The following CRMP1 variants were observed in gnomAD, a reference collection of about 807,000 sequenced individuals.
CRMP1 encodes collapsin response mediator protein 1, also known as dihydropyrimidinase-related protein 1.
Under a neutral mutation model 68.3 loss-of-function variants are expected in CRMP1, and 19 were observed. The observed-to-expected ratio is 0.28, with a 90% CI of 0.19 to 0.41. The LOEUF (loss-of-function observed/expected upper bound fraction) is 0.41, where lower values mean the gene tolerates loss of function less well. Ranked by LOEUF, CRMP1 falls within the 10% of genes least tolerant of loss-of-function variation. The pLI is 1.00. For synonymous variants in CRMP1, 439 were observed against 399.6 expected (o/e 1.10, Z -1.18); for missense variants, 791 against 967.4 (o/e 0.82, Z 2.42).
chr4:5,828,193 C>G, intron 12 of CRMP1: 1 of 985,388 alleles, frequency 1.0e-6, no homozygotes, highest in Non-Finnish European at 1.2e-6. Context: ...TAAGATGACG[C>G]AGGACAGCGC....
intron 13 of CRMP1, among the ~76,000 whole-genome samples, chr4:5,822,990 A>G (rs1218070884): frequency 2.0e-5 from 3 of 152,226 alleles, no homozygotes; most frequent in Middle Eastern, 6.8e-3. Context: ...GTACCCTTTC[A>G]TACTTTTTCT....
Position 5,888,271 on chromosome 4 carries a change from C to A in CRMP1, c.381+4318G>T. 1.6e-6 allele frequency: 2 copies of A among 1,273,564 alleles called. No individual in the cohort carries two copies. Among genetic ancestry groups the A allele is most frequent in the East Asian group, 3.1e-5 (1 of 32,676 alleles). 78.9% of individuals were successfully genotyped at this position (1,273,564 alleles called of 1,614,324 possible). A position where few individuals can be genotyped will look rare whatever the true frequency, so the allele number is the denominator to read the frequency against. On this transcript the variant is annotated intron_variant, in intron 1 of 13. Transcript: ENST00000324989. This position sits in a 1 kb window ranked among gnomAD's most constrained non-coding sequence, Gnocchi z 6.4. ...CTTCTTGCCCTGGTACGACATGGCC[C>A]CCTCTGGCGCCCTCGGCCCGGCCGC...
In CRMP1 at chr4:5,889,471, A is replaced by G. The variant is rs1715840016; in HGVS notation, c.381+3118T>C. ...GTCCATGATCCAGATGTTGCTCCAGAGGGAGGTGGGCAGGAAGCCAGGTCA... is the reference window on the plus strand; with the variant it reads ...GTCCATGATCCAGATGTTGCTCCAGGGGGAGGTGGGCAGGAAGCCAGGTCA... On this transcript the variant is annotated intron_variant, in intron 1 of 13. Transcript: ENST00000324989. This position sits in a 1 kb window ranked among gnomAD's most constrained non-coding sequence, Gnocchi z 4.5. Among the ~76,000 whole-genome samples, 1 of 152,076 alleles carries G rather than the reference A, an allele frequency of 6.6e-6. No individual in the cohort carries two copies. Among genetic ancestry groups the G allele is most frequent in the Non-Finnish European group, 1.5e-5 (1 of 68,020 alleles).
chr4:5,850,144 G>A lies in CRMP1; in HGVS notation c.883-672C>T, dbSNP rs540628769. Among the ~76,000 whole-genome samples, 1 of 152,294 alleles carries A rather than the reference G, an allele frequency of 6.6e-6. No individual in the cohort carries two copies. The highest frequency in any genetic ancestry group is 2.4e-5 in the African/African-American group (1 of 41,574). On this transcript the variant is annotated intron_variant, in intron 5 of 13. Coordinates refer to ENST00000324989, the MANE Select transcript of CRMP1 (RefSeq NM_001014809.3). The surrounding 1 kb of genome is among the most constrained non-coding windows in gnomAD (Gnocchi z 4.4). The stretch of plus-strand genomic sequence containing the variant: ...CCAAAGCCACGAAGCTCCCTCTCCA[G>A]GGACACTTGAACCTCAACTTTGTTC...
Position 5,825,685 on chromosome 4 carries a change from T to G in CRMP1, c.1804-26A>C. ...CTAAACAGAGGAAGGGAGAGTGTGATTGATCGACACTGTGCATGTGTGCCC... is the reference window on the plus strand; with the variant it reads ...CTAAACAGAGGAAGGGAGAGTGTGAGTGATCGACACTGTGCATGTGTGCCC... On this transcript the variant is annotated intron_variant, in intron 12 of 13. Coordinates refer to ENST00000324989, the MANE Select transcript of CRMP1 (RefSeq NM_001014809.3). The surrounding 1 kb of genome is among the most constrained non-coding windows in gnomAD (Gnocchi z 4.4). 6.2e-7 allele frequency: 1 copy of G among 1,610,236 alleles called. No individual in the cohort carries two copies. The highest frequency in any genetic ancestry group is 1.3e-5 in the African/African-American group (1 of 74,846).
intron 1 of CRMP1, among the ~76,000 whole-genome samples, chr4:5,868,237 C>T (rs1362734486): frequency 7.7e-5 from 11 of 142,508 alleles, no homozygotes; most frequent in Non-Finnish European, 1.4e-4. Context: ...CCCAACTTGC[C>T]GCACATTCTT....
Position 5,889,976 on chromosome 4 carries a change from C to A in CRMP1, c.381+2613G>T. ...GAGGTAAAATGATGTACCCCGGGTG[C>A]AAAACATATTAGCTGCAGCAAAGCA... On this transcript the variant is annotated intron_variant, in intron 1 of 13. Transcript: ENST00000324989. The surrounding 1 kb of genome is among the most constrained non-coding windows in gnomAD (Gnocchi z 4.5). 1 of 1,225,846 alleles carries A rather than the reference C, an allele frequency of 8.2e-7. No homozygotes were observed. The allele number at this position is 1,225,846 out of a possible 1,614,324, so 75.9% of individuals were successfully genotyped here.
rs541701356 is a variant in CRMP1 at position 5,870,864 on chromosome 4, C to T, written c.382-4108G>A. Among the ~76,000 whole-genome samples, 1 of 152,284 alleles carries T rather than the reference C, an allele frequency of 6.6e-6. No individual in the cohort carries two copies. The highest frequency in any genetic ancestry group is 2.1e-4 in the South Asian group (1 of 4,822). ...TGCACGTCCAGGAAGCACCCACAAG[C>T]TGGCGTGCATGTTTCCCCGGCTCCA... On this transcript the variant is annotated intron_variant, in intron 1 of 13. Coordinates refer to ENST00000324989, the MANE Select transcript of CRMP1 (RefSeq NM_001014809.3). The surrounding 1 kb of genome is among the most constrained non-coding windows in gnomAD (Gnocchi z 6.0).
chr4:5,847,223 C>A (rs2152461740), intron 6 of CRMP1, among the ~76,000 whole-genome samples: 1 of 152,268 alleles, frequency 6.6e-6, no homozygotes, highest in East Asian at 1.9e-4. Context: ...AGGGAGATAT[C>A]TTCCTTCTTT....
At chr4:5,847,957 A>C (rs1712342062) in intron 6 of CRMP1, among the ~76,000 whole-genome samples, 1 of 152,132 alleles carries the variant, frequency 6.6e-6, no homozygotes, top group Admixed American at 6.5e-5. Context: ...CATTATAACC[A>C]ATCCATGCCT....
chr4:5,825,363 TG>T lies in CRMP1; in HGVS notation c.1969+130del. 1 of 1,433,332 alleles carries T rather than the reference TG, an allele frequency of 7.0e-7. No individual in the cohort carries two copies. 88.8% of individuals were successfully genotyped at this position (1,433,332 alleles called of 1,614,324 possible). On this transcript the variant is annotated intron_variant, in intron 13 of 13. Transcript: ENST00000324989. This position sits in a 1 kb window ranked among gnomAD's most constrained non-coding sequence, Gnocchi z 4.4. ...CCCCACCAGTGAGAGCAGGCTCGGGTGGGGCACACTCCCTTCCCTGCTTCTT... is the reference window on the plus strand; with the variant it reads ...CCCCACCAGTGAGAGCAGGCTCGGGTGGGCACACTCCCTTCCCTGCTTCTT...
chr4:5,868,261 C>CTATATATCTATA (rs1714141585), intron 1 of CRMP1, among the ~76,000 whole-genome samples: 1 of 111,464 alleles, frequency 9.0e-6, no homozygotes, highest in Non-Finnish European at 1.8e-5. Context: ...GACTATATAT[C>CTATATATCTATA]TATATATATA....
At position 5,888,014 on chromosome 4, in the gene CRMP1, GCC is replaced by G. The variant is rs1222423802; in HGVS notation, c.381+4573_381+4574del. On this transcript the variant is annotated intron_variant, in intron 1 of 13. Transcript: ENST00000324989. This position sits in a 1 kb window ranked among gnomAD's most constrained non-coding sequence, Gnocchi z 6.4. ...GCGGGGAGAGGGACTCCCGGCTCCA[GCC>G]CCGCCCCGCCATGCGGGGCTCCCCC... Among the ~76,000 whole-genome samples, 1 of 151,918 alleles carries G rather than the reference GCC, an allele frequency of 6.6e-6. No individual in the cohort carries two copies. Among genetic ancestry groups the G allele is most frequent in the Non-Finnish European group, 1.5e-5 (1 of 67,886 alleles).
chr4:5,829,723 A>G (rs1720217192), intron 11 of CRMP1, among the ~76,000 whole-genome samples: 1 of 152,208 alleles, frequency 6.6e-6, no homozygotes, highest in South Asian at 2.1e-4. Flanking sequence ...ATCAGCACAC[A>G]TACAAAATAC....
chr4:5,842,428 C>CAAAAAAAAAAAAA lies in CRMP1; in HGVS notation c.1032+652_1032+664dup, dbSNP rs71171489. 1.0e-5 allele frequency among the ~76,000 whole-genome samples: 1 copy of CAAAAAAAAAAAAA among 99,068 alleles called. No homozygotes were observed. Among genetic ancestry groups the CAAAAAAAAAAAAA allele is most frequent in the African/African-American group, 3.6e-5 (1 of 27,986 alleles). The allele number at this position is 99,068 out of a possible 152,430, so 65.0% of individuals were successfully genotyped here. ...TGGGCAACAGAGAGAGACTCCATCT[C>CAAAAAAAAAAAAA]AAAAAAAAAAAAAAAAAAAGAAAAG... On this transcript the variant is annotated intron_variant, in intron 7 of 13. Coordinates refer to ENST00000324989, the MANE Select transcript of CRMP1 (RefSeq NM_001014809.3). The surrounding 1 kb of genome is among the most constrained non-coding windows in gnomAD (Gnocchi z 4.5).
intron 13 of CRMP1, among the ~76,000 whole-genome samples, chr4:5,823,023 G>A (rs1055774417): frequency 4.6e-5 from 7 of 151,998 alleles, no homozygotes; most frequent in African/African-American, 1.5e-4. Context: ...TTTCTTTACC[G>A]ACAACTGTCT....
chr4:5,859,133 A>G lies in CRMP1; in HGVS notation c.655+1893T>C, dbSNP rs559103498. On this transcript the variant is annotated intron_variant, in intron 3 of 13. Transcript: ENST00000324989. This position sits in a 1 kb window ranked among gnomAD's most constrained non-coding sequence, Gnocchi z 5.2. ...CCAAGAGATGGCAGTCCCCTTGACAACGAGCATCATTCCTGCTTTTGTTCA... is the reference window on the plus strand; with the variant it reads ...CCAAGAGATGGCAGTCCCCTTGACAGCGAGCATCATTCCTGCTTTTGTTCA... Among the ~76,000 whole-genome samples, 4 of 152,332 alleles carry G rather than the reference A, an allele frequency of 2.6e-5. No individual in the cohort carries two copies. In the East Asian group the frequency reaches 7.7e-4, roughly 29 times the overall value.
chr4:5,857,468 A>C (rs1439461920), intron 3 of CRMP1, among the ~76,000 whole-genome samples: 1 of 150,642 alleles, frequency 6.6e-6, no homozygotes, highest in African/African-American at 2.5e-5. Context: ...CATCACCATC[A>C]TCTTCAGTCT....
Position 5,834,541 on chromosome 4 carries a change from G to A in CRMP1, c.1623+1374C>T, listed in dbSNP as rs1453961038. Among the ~76,000 whole-genome samples the A allele has an allele frequency of 1.3e-5, 2 of 152,118 alleles. No homozygotes were observed. The highest frequency in any genetic ancestry group is 2.4e-5 in the African/African-American group (1 of 41,410). On this transcript the variant is annotated intron_variant, in intron 11 of 13. Coordinates refer to ENST00000324989, the MANE Select transcript of CRMP1 (RefSeq NM_001014809.3). The surrounding 1 kb of genome is among the most constrained non-coding windows in gnomAD (Gnocchi z 4.3). The stretch of plus-strand genomic sequence containing the variant: ...AAATTCCCAGCCTCCAGAACCGTGA[G>A]CCACATAAATTTATTTTCTTATAAA...
Sources: allele counts gnomAD v4.1 joint callset (sites outside exome capture counted in the v4.1 genomes callset), GRCh38; gene constraint gnomAD v4.1.1; non-coding constraint Gnocchi (gnomAD v3.1); transcripts MANE v1.5; gene names NCBI Gene and HGNC (gene_info 2026-07-23, HGNC 2026-07-21).